GLG1: variants seen among roughly 807,000 people sequenced by gnomAD.
GLG1 encodes the protein golgi glycoprotein 1.
GLG1 carries 38 observed loss-of-function variants against 160.5 expected under a neutral mutation model. The ratio of observed to expected loss-of-function variants is 0.24; its 90% CI spans 0.18 to 0.31. The LOEUF is 0.31. Ranked by LOEUF, GLG1 falls within the 10% of genes least tolerant of loss-of-function variation. GLG1 has a pLI of 1.00. For synonymous variants in GLG1, 644 were observed against 543.4 expected (o/e 1.19, Z -2.57); for missense variants, 1,373 against 1,505.2 (o/e 0.91, Z 1.45).
chr16:74,505,819 C>A (rs914286577), intron 3 of GLG1, among the ~76,000 whole-genome samples: 10 of 152,136 alleles, frequency 6.6e-5, no homozygotes, highest in Admixed American at 2.0e-4. Context: ...TGAGCCATTG[C>A]ATTCCACCCT....
intron 14 of GLG1, among the ~76,000 whole-genome samples, chr16:74,471,942 T>A (rs2143252651): frequency 6.6e-6 from 1 of 151,980 alleles, no homozygotes; most frequent in South Asian, 2.1e-4. Flanking sequence ...TCTCACTCTG[T>A]TGCTTAGGCT....
At chr16:74,557,925 A>G (rs1237258471) in intron 1 of GLG1, among the ~76,000 whole-genome samples, 1 of 152,138 alleles carries the variant, frequency 6.6e-6, no homozygotes, top group Non-Finnish European at 1.5e-5. Context: ...TGAGGGGATA[A>G]TGAGTCCTTT....
chr16:74,591,531 G>A (rs1456897327), intron 1 of GLG1, among the ~76,000 whole-genome samples: 1 of 148,974 alleles, frequency 6.7e-6, no homozygotes, highest in Admixed American at 6.7e-5. Flanking sequence ...GGGAGGCTGA[G>A]GCAGGAGAAT....
chr16:74,463,105 G>T (rs977209074), intron 20 of GLG1: 3 of 508,770 alleles, frequency 5.9e-6, no homozygotes, highest in Admixed American at 3.8e-5. Context: ...TCTTTCCAAG[G>T]ACTGCCGGCC....
chr16:74,573,098 A>C (rs1416309911), intron 1 of GLG1, among the ~76,000 whole-genome samples: 1 of 151,896 alleles, frequency 6.6e-6, no homozygotes, highest in Non-Finnish European at 1.5e-5. Flanking sequence ...AGTAGGAAAA[A>C]CTCTTTGGTT....
intron 11 of GLG1, 46 bp downstream of exon 11, chr16:74,480,195 A>G (rs764304744): frequency 2.7e-6 from 4 of 1,498,132 alleles, no homozygotes; most frequent in Non-Finnish European, 3.7e-6. Flanking sequence ...ACAATTTAAA[A>G]AACAAATGAC....
rs369892342 is a variant in GLG1, at chr16:74,503,749, G to A, written c.559-3C>T. The A allele has an allele frequency of 2.1e-5, 33 of 1,589,540 alleles. No individual in the cohort carries two copies. The African/African-American group carries it at 3.8e-4, about 18-fold the overall frequency. On this transcript the variant is annotated splice_polypyrimidine_tract_variant and splice_region_variant and intron_variant, in intron 3 of 25. Coordinates refer to ENST00000422840, the MANE Select transcript of GLG1 (RefSeq NM_001145667.2). The stretch of plus-strand genomic sequence containing the variant: ...GGTTCATCAGCACATTCTTTAATCT[G>A]CTCAAAATAAAGTAGCTGTTTTACA...
At chr16:74,550,620 G>A (rs1195947092) in intron 1 of GLG1, among the ~76,000 whole-genome samples, 1 of 152,000 alleles carries the variant, frequency 6.6e-6, no homozygotes, top group African/African-American at 2.4e-5. Flanking sequence ...ATTGTAAGAT[G>A]TTTTTATACT....
intron 4 of GLG1, among the ~76,000 whole-genome samples, chr16:74,502,602 G>A (rs2016446125): frequency 6.6e-6 from 1 of 151,404 alleles, no homozygotes. Context: ...GGAGTGCAGT[G>A]GCGCGATCTC....
At chr16:74,597,556 T>C (rs1011166494) in intron 1 of GLG1, among the ~76,000 whole-genome samples, 1 of 148,992 alleles carries the variant, frequency 6.7e-6, no homozygotes, top group African/African-American at 2.5e-5. Flanking sequence ...CTGCCTCTAC[T>C]AAAAAAACAA....
At chr16:74,505,721 G>A (rs1044574987) in intron 3 of GLG1, among the ~76,000 whole-genome samples, 9 of 152,260 alleles carry the variant, frequency 5.9e-5, no homozygotes, top group East Asian at 3.9e-4. Context: ...CAGGTGTGGC[G>A]GCGTGCGCCT....
chr16:74,574,549 C>T (rs1342473796), intron 1 of GLG1, among the ~76,000 whole-genome samples: 1 of 151,882 alleles, frequency 6.6e-6, no homozygotes, highest in East Asian at 1.9e-4. Flanking sequence ...TGAAAGATTT[C>T]CAAAATAATA....
chr16:74,574,916 C>CAG (rs745898250), intron 1 of GLG1, among the ~76,000 whole-genome samples: 2,727 of 49,020 alleles, frequency 0.056, 56 homozygotes, highest in Non-Finnish European at 0.076. Context: ...AAAAAAAAGA[C>CAG]AGAGAGAGAG....
intron 1 of GLG1, among the ~76,000 whole-genome samples, chr16:74,597,779 G>A (rs538739199): frequency 5.3e-5 from 8 of 151,658 alleles, no homozygotes; most frequent in Non-Finnish European, 8.8e-5. Flanking sequence ...GCGTGAACCC[G>A]GGAGGTGGAG....
intron 4 of GLG1, among the ~76,000 whole-genome samples, chr16:74,498,485 T>G (rs2016293631): frequency 8.5e-6 from 1 of 117,960 alleles, no homozygotes; most frequent in African/African-American, 3.1e-5. Flanking sequence ...TATATATATA[T>G]TTTATATATA....
chr16:74,533,742 T>C (rs765418980), intron 1 of GLG1, among the ~76,000 whole-genome samples: 77 of 151,880 alleles, frequency 5.1e-4, no homozygotes, highest in Non-Finnish European at 6.5e-4. Context: ...GATTGTGTCA[T>C]TGCACTCCAG....
At chr16:74,478,757 C>T (rs989706347) in intron 11 of GLG1, among the ~76,000 whole-genome samples, 3 of 151,410 alleles carry the variant, frequency 2.0e-5, no homozygotes, top group Non-Finnish European at 4.4e-5. Flanking sequence ...ACTAAAAATA[C>T]AAAAATTAGC....
intron 10 of GLG1, 151 bp downstream of exon 10, chr16:74,482,872 G>T: frequency 1.6e-6 from 1 of 621,944 alleles, no homozygotes; most frequent in Non-Finnish European, 2.9e-6. Context: ...AAGTGATAAA[G>T]AATAGTTTTT....
intron 2 of GLG1, among the ~76,000 whole-genome samples, chr16:74,524,373 T>C (rs2017270773): frequency 6.6e-6 from 1 of 152,210 alleles, no homozygotes; most frequent in Non-Finnish European, 1.5e-5. Flanking sequence ...TATTTCACCA[T>C]GAAGTACGAT....
Sources: gnomAD v4.1 joint callset for allele counts (sites outside exome capture counted in the v4.1 genomes callset) on GRCh38, gnomAD v4.1.1 for gene constraint, MANE v1.5 for transcripts, NCBI Gene and HGNC (gene_info 2026-07-23, HGNC 2026-07-21) for gene names.